Variants in PTPRM observed in about 807,000 individuals in gnomAD.
The protein encoded by PTPRM is receptor-type tyrosine-protein phosphatase mu.
Under a neutral mutation model 186.7 loss-of-function variants are expected in PTPRM, and 47 were observed. That is an observed-to-expected ratio of 0.25 (90% CI 0.20 to 0.32). The LOEUF (loss-of-function observed/expected upper bound fraction) is 0.32, where lower values mean the gene tolerates loss of function less well. Among genes scored for constraint, PTPRM ranks in the 10% least tolerant of loss-of-function variants. The pLI, the probability that PTPRM is intolerant of heterozygous loss-of-function variation, is 1.00. For missense variants in PTPRM, 1,494 were observed against 1,865.0 expected, an observed-to-expected ratio of 0.80 and a Z score of 3.66; for synonymous variants, 668 against 674.9, an observed-to-expected ratio of 0.99 and a Z score of 0.16.
intron 7 of PTPRM, among the ~76,000 whole-genome samples, chr18:8,010,908 C>T (rs116397921): frequency 1.4e-3 from 209 of 152,234 alleles, no homozygotes; most frequent in African/African-American, 4.7e-3. Flanking sequence ...AGGGTAGATT[C>T]ATTGGGAATA....
intron 2 of PTPRM, among the ~76,000 whole-genome samples, chr18:7,798,828 C>T (rs998760460): frequency 1.2e-4 from 19 of 152,170 alleles, no homozygotes; most frequent in African/African-American, 4.3e-4. Context: ...ATTCTCTGTT[C>T]TGTACCTTTG....
chr18:8,067,577 T>C (rs1189809124), intron 7 of PTPRM, among the ~76,000 whole-genome samples: 1 of 152,238 alleles, frequency 6.6e-6, no homozygotes, highest in Non-Finnish European at 1.5e-5. Context: ...AGATATCTGG[T>C]AAATGCTACG....
intron 22 of PTPRM, among the ~76,000 whole-genome samples, chr18:8,338,955 T>G (rs1328710205): frequency 6.6e-6 from 1 of 152,134 alleles, no homozygotes; most frequent in East Asian, 1.9e-4. Flanking sequence ...TTTTTATAGA[T>G]GTAGGGGTAC....
chr18:7,742,235 G>A (rs1223756210), intron 1 of PTPRM, among the ~76,000 whole-genome samples: 1 of 152,148 alleles, frequency 6.6e-6, no homozygotes, highest in African/African-American at 2.4e-5. Flanking sequence ...TTAAGTTACA[G>A]TGACTAAAAA....
chr18:7,603,531 A>G (rs2037458060), intron 1 of PTPRM, among the ~76,000 whole-genome samples: 1 of 152,194 alleles, frequency 6.6e-6, no homozygotes, highest in Non-Finnish European at 1.5e-5. Flanking sequence ...GATGTGCTCC[A>G]TGGGGAGAGT....
At chr18:7,721,752 A>G (rs1055926881) in intron 1 of PTPRM, among the ~76,000 whole-genome samples, 1 of 152,190 alleles carries the variant, frequency 6.6e-6, no homozygotes, top group African/African-American at 2.4e-5. Flanking sequence ...AAATTACTCA[A>G]TCATATATGC....
At chr18:7,642,796 T>C (rs955494359) in intron 1 of PTPRM, among the ~76,000 whole-genome samples, 3 of 147,568 alleles carry the variant, frequency 2.0e-5, no homozygotes, top group African/African-American at 7.5e-5. Flanking sequence ...CACATCAACC[T>C]GAATGTATTT....
intron 2 of PTPRM, among the ~76,000 whole-genome samples, chr18:7,812,835 C>G (rs1333970389): frequency 1.3e-5 from 2 of 152,032 alleles, no homozygotes; most frequent in African/African-American, 4.8e-5. Context: ...AGTGCCACTG[C>G]ACAGTGTATG....
At chr18:7,808,236 C>G (rs755585915) in intron 2 of PTPRM, among the ~76,000 whole-genome samples, 19 of 152,172 alleles carry the variant, frequency 1.2e-4, no homozygotes, top group Non-Finnish European at 2.5e-4. Flanking sequence ...TTTTCTGGCA[C>G]TCCCTTGGAT....
intron 23 of PTPRM, among the ~76,000 whole-genome samples, chr18:8,345,930 T>TA (rs1169274490): frequency 3.3e-5 from 5 of 152,154 alleles, no homozygotes; most frequent in Admixed American, 2.6e-4. Flanking sequence ...TAGTAAGATT[T>TA]ACGTAAAATT....
intron 1 of PTPRM, among the ~76,000 whole-genome samples, chr18:7,706,628 A>AT (rs1568042202): frequency 6.7e-6 from 1 of 149,532 alleles, no homozygotes; most frequent in African/African-American, 2.5e-5. Context: ...AAAAAAAAAA[A>AT]AACAACAAAA....
At chr18:8,309,985 A>G (rs971534209) in intron 20 of PTPRM, among the ~76,000 whole-genome samples, 4 of 152,104 alleles carry the variant, frequency 2.6e-5, no homozygotes, top group Non-Finnish European at 4.4e-5. Context: ...GATGGTAAAC[A>G]CCTCAGATTA....
chr18:7,886,995 T>G (rs2048820508), intron 2 of PTPRM, among the ~76,000 whole-genome samples: 1 of 152,238 alleles, frequency 6.6e-6, no homozygotes, highest in Admixed American at 6.5e-5. Flanking sequence ...GTGTGTTTAC[T>G]GATAATGTGT....
intron 11 of PTPRM, among the ~76,000 whole-genome samples, chr18:8,098,935 T>TC (rs1204575907): frequency 4.6e-5 from 7 of 152,154 alleles, no homozygotes; most frequent in African/African-American, 1.4e-4. Flanking sequence ...CCAGACTTCC[T>TC]CTAATGGGGA....
chr18:7,876,576 G>A (rs965088604), intron 2 of PTPRM, among the ~76,000 whole-genome samples: 1 of 152,078 alleles, frequency 6.6e-6, no homozygotes, highest in Non-Finnish European at 1.5e-5. Context: ...GCAGTCAGCT[G>A]TCAGGTCAGC....
At chr18:7,915,818 T>G (rs980402670) in intron 4 of PTPRM, among the ~76,000 whole-genome samples, 5 of 152,190 alleles carry the variant, frequency 3.3e-5, no homozygotes, top group African/African-American at 1.2e-4. Context: ...GCTTGCCACC[T>G]GAAAATGGTT....
intron 7 of PTPRM, among the ~76,000 whole-genome samples, chr18:7,956,096 A>G (rs1416449475): frequency 6.6e-6 from 1 of 152,200 alleles, no homozygotes; most frequent in African/African-American, 2.4e-5. Flanking sequence ...TTGTTTCCGT[A>G]TGGCTACTCT....
chr18:8,382,491 A>G (rs974012876), intron 29 of PTPRM, among the ~76,000 whole-genome samples: 4 of 152,190 alleles, frequency 2.6e-5, no homozygotes, highest in African/African-American at 7.2e-5. Flanking sequence ...TTGGGCATCA[A>G]AAAGAACATA....
intron 12 of PTPRM, among the ~76,000 whole-genome samples, chr18:8,114,251 G>A (rs752480828): frequency 1.3e-4 from 19 of 151,388 alleles, no homozygotes; most frequent in Non-Finnish European, 2.2e-4. Context: ...AAAATGAGAC[G>A]GAAACAAAAT....
Sources: allele counts gnomAD v4.1 joint callset (sites outside exome capture counted in the v4.1 genomes callset), GRCh38; gene constraint gnomAD v4.1.1; transcripts MANE v1.5; gene names NCBI Gene and HGNC (gene_info 2026-07-23, HGNC 2026-07-21).